WRN: variants seen among roughly 807,000 people sequenced by gnomAD.
WRN encodes the protein WRN RecQ like helicase.
A neutral mutation model predicts 180.7 loss-of-function variants in WRN; 149 were observed. The observed-to-expected ratio is 0.82, with a 90% CI of 0.72 to 0.94. The LOEUF (loss-of-function observed/expected upper bound fraction) is 0.94. Ranked by LOEUF, WRN falls within the 40% of genes least tolerant of loss-of-function variation. The probability of loss-of-function intolerance (pLI) is 0.00; values close to 1 mark genes in which losing one functional copy is unlikely to be tolerated. For missense variants in WRN, 1,661 were observed against 1,700.1 expected, an observed-to-expected ratio of 0.98 and a Z score of 0.40; for synonymous variants, 548 against 568.9, an observed-to-expected ratio of 0.96 and a Z score of 0.52.
chr8:31,100,985 A>G, intron 18 of WRN, 30 bp downstream of exon 18: 1 of 1,574,458 alleles, frequency 6.4e-7, no homozygotes, highest in South Asian at 1.1e-5. Flanking sequence ...ATGTCCCGAA[A>G]TTACATTCTT....
chr8:31,124,438 TA>T, intron 21 of WRN, 83 bp from the exon 22 acceptor site: 2 of 1,058,566 alleles, frequency 1.9e-6, no homozygotes, highest in Non-Finnish European at 2.8e-6. Context: ...TAATGAAAAA[TA>T]AACAGTAAAA....
intron 16 of WRN, among the ~76,000 whole-genome samples, chr8:31,094,621 AC>A (rs1222369783): frequency 6.6e-6 from 1 of 152,168 alleles, no homozygotes; most frequent in Non-Finnish European, 1.5e-5. Flanking sequence ...TGCTGGGATT[AC>A]AGGCGTGAGC....
chr8:31,067,325 G>A lies in WRN; in HGVS notation c.654+143G>A, dbSNP rs1812750207. The A allele has an allele frequency of 1.8e-5, 17 of 937,100 alleles. 1 individual carries two copies. The South Asian group carries it at 2.5e-4, about 14-fold the overall frequency. The allele number at this position is 937,100 out of a possible 1,614,324, so 58.0% of individuals were successfully genotyped here. Reference sequence around the variant, plus strand: ...TTTGGCATTGAAAAATGCTTAGGAAGACATTTAGTGAAACTATTCATTTTC... The same window carrying A: ...TTTGGCATTGAAAAATGCTTAGGAAAACATTTAGTGAAACTATTCATTTTC... On this transcript the variant is annotated intron_variant, in intron 6 of 34. Transcript: ENST00000298139.
At chr8:31,131,618 A>T (rs1802176364) in intron 23 of WRN, 1 of 153,244 alleles carries the variant, frequency 6.5e-6, no homozygotes, top group Admixed American at 6.5e-5. Flanking sequence ...TGTCTGGTTC[A>T]TTGATTGGCT....
Position 31,149,455 on chromosome 8 carries a change from G to GTTTTTTTTTTTT in WRN, c.3573-861_3573-850dup, listed in dbSNP as rs71208105. On this transcript the variant is annotated intron_variant, in intron 30 of 34. Transcript: ENST00000298139. ...TCTAAGACCATACTTTAATAGAGGT[G>GTTTTTTTTTTTT]TTTTTTTTTTTTTTTTTTTTTTTTT... is the stretch of plus-strand genomic sequence containing the variant. Among the ~76,000 whole-genome samples, 6 of 51,974 alleles carry GTTTTTTTTTTTT rather than the reference G, an allele frequency of 1.2e-4. 1 individual carries two copies. Among genetic ancestry groups the GTTTTTTTTTTTT allele is most frequent in the African/African-American group, 4.6e-4 (6 of 13,004 alleles). 34.1% of individuals were successfully genotyped at this position (51,974 alleles called of 152,430 possible). A position where few individuals can be genotyped will look rare whatever the true frequency, so the allele number is the denominator to read the frequency against.
rs148674930 is a variant in WRN at position 31,075,018 on chromosome 8, A to G, written c.725-1155A>G. Among the ~76,000 whole-genome samples the G allele has an allele frequency of 4.6e-5, 7 of 152,256 alleles. No individual in the cohort carries two copies. In the East Asian group the frequency reaches 1.2e-3, roughly 25 times the overall value. On this transcript the variant is annotated intron_variant, in intron 7 of 34. Transcript: ENST00000298139. ...CAATTATAAGGTCAACGGTATGACT[A>G]TGGAATTGAGTGGCTAAGGTCTGTT...
At chr8:31,119,471 G>T (rs186582139) in intron 20 of WRN, among the ~76,000 whole-genome samples, 1 of 151,996 alleles carries the variant, frequency 6.6e-6, no homozygotes, top group East Asian at 1.9e-4. Flanking sequence ...AAGATGAAAG[G>T]TTAGCTCTCT....
At chr8:31,136,350 T>C (rs929591046) in intron 24 of WRN, among the ~76,000 whole-genome samples, 1 of 152,184 alleles carries the variant, frequency 6.6e-6, no homozygotes, top group Non-Finnish European at 1.5e-5. Context: ...GAGCTAACAC[T>C]GGTAAAAAGA....
At chr8:31,040,673 C>G (rs1467093868) in intron 1 of WRN, among the ~76,000 whole-genome samples, 1 of 152,124 alleles carries the variant, frequency 6.6e-6, no homozygotes, top group East Asian at 1.9e-4. Flanking sequence ...GAAACCTTGA[C>G]ATGAGCCCTT....
At chr8:31,087,185 G>C (rs959997442) in intron 11 of WRN, among the ~76,000 whole-genome samples, 5 of 152,076 alleles carry the variant, frequency 3.3e-5, no homozygotes, top group East Asian at 1.9e-4. Flanking sequence ...AAACAATTTT[G>C]AAATATTCTT....
chr8:31,061,974 A>C (rs1812501288), intron 3 of WRN, among the ~76,000 whole-genome samples: 1 of 151,722 alleles, frequency 6.6e-6, no homozygotes. Flanking sequence ...CCTCTCCAGA[A>C]CTCTGCCCCG....
At chr8:31,145,050 G>A (rs539107932) in intron 28 of WRN, among the ~76,000 whole-genome samples, 56 of 152,320 alleles carry the variant, frequency 3.7e-4, no homozygotes, top group African/African-American at 1.3e-3. Context: ...TTTAAGGAAA[G>A]AAGCCATCTC....
intron 1 of WRN, 147 bp downstream of exon 1, chr8:31,034,120 C>T (rs984234783): frequency 6.6e-6 from 1 of 152,268 alleles, no homozygotes; most frequent in African/African-American, 2.4e-5. Flanking sequence ...AGACTTTCTC[C>T]CTTTTCCTTT....
chr8:31,106,953 G>A (rs1459985898), intron 18 of WRN, among the ~76,000 whole-genome samples: 1 of 152,140 alleles, frequency 6.6e-6, no homozygotes, highest in Non-Finnish European at 1.5e-5. Context: ...TTCCAAAACA[G>A]GTAGTGGGCA....
chr8:31,123,679 T>G (rs1411393118), intron 21 of WRN, among the ~76,000 whole-genome samples: 1 of 152,140 alleles, frequency 6.6e-6, no homozygotes, highest in African/African-American at 2.4e-5. Context: ...ATGCTGTCCC[T>G]TAGATATTAT....
chr8:31,067,327 C>A, intron 6 of WRN, 145 bp downstream of exon 6: 2 of 938,136 alleles, frequency 2.1e-6, no homozygotes, highest in Non-Finnish European at 3.2e-6. Flanking sequence ...CTTAGGAAGA[C>A]ATTTAGTGAA....
chr8:31,085,036 A>G (rs1178862047), intron 10 of WRN, 130 bp from the exon 11 acceptor site: 4 of 588,640 alleles, frequency 6.8e-6, no homozygotes, highest in African/African-American at 1.9e-5. Context: ...ATATGTAAAT[A>G]TATATTATAT....
At chr8:31,166,910 T>G (rs1386718564) in intron 33 of WRN, 112 bp from the exon 34 acceptor site, 26 of 1,111,582 alleles carry the variant, frequency 2.3e-5, no homozygotes, top group Non-Finnish European at 3.2e-5. Context: ...AACTTTTCTT[T>G]GGCAACCTTC....
At chr8:31,163,379 T>C (rs1350037984) in intron 33 of WRN, among the ~76,000 whole-genome samples, 1 of 152,198 alleles carries the variant, frequency 6.6e-6, no homozygotes, top group Non-Finnish European at 1.5e-5. Flanking sequence ...CATTACACTT[T>C]CCCTTTCCTA....
Sources: gnomAD v4.1 joint callset for allele counts (sites outside exome capture counted in the v4.1 genomes callset) on GRCh38, gnomAD v4.1.1 for gene constraint, MANE v1.5 for transcripts, NCBI Gene and HGNC (gene_info 2026-07-23, HGNC 2026-07-21) for gene names.